The following CHCHD6 variants were observed in gnomAD, a reference collection of about 807,000 sequenced individuals.
The protein encoded by CHCHD6 is MICOS complex subunit MIC25.
Under a neutral mutation model 32.3 loss-of-function variants are expected in CHCHD6, and 28 were observed. The ratio of observed to expected loss-of-function variants is 0.87; its 90% CI spans 0.64 to 1.19. The LOEUF is 1.19. Among genes scored for constraint, CHCHD6 ranks in the 50% most tolerant of loss-of-function variants. The probability of loss-of-function intolerance (pLI) is 0.00; values close to 1 mark genes in which losing one functional copy is unlikely to be tolerated. For missense variants in CHCHD6, 333 were observed against 307.0 expected, an observed-to-expected ratio of 1.08 and a Z score of -0.63; for synonymous variants, 122 against 117.5, an observed-to-expected ratio of 1.04 and a Z score of -0.25.
Position 126,897,499 on chromosome 3 carries a change from C to A in CHCHD6, c.496-17181C>A, listed in dbSNP as rs191028533. Among the ~76,000 whole-genome samples the A allele has an allele frequency of 2.4e-4, 37 of 152,286 alleles. 2 individuals carry two copies. The highest frequency in any genetic ancestry group is 2.0e-3 in the Admixed American group (31 of 15,298). ...TTCCTTACTAGCTTTTACTGAAGGACTTTTTTATTCTGTATTGTCTGTTGC... is the reference window on the plus strand; with the variant it reads ...TTCCTTACTAGCTTTTACTGAAGGAATTTTTTATTCTGTATTGTCTGTTGC... On this transcript the variant is annotated intron_variant, in intron 5 of 7. Transcript: ENST00000290913.
intron 4 of CHCHD6, among the ~76,000 whole-genome samples, chr3:126,840,636 A>G (rs1244785640): frequency 1.3e-5 from 2 of 152,100 alleles, no homozygotes; most frequent in Non-Finnish European, 2.9e-5. Context: ...CTGTTATCTA[A>G]TATGGTCATG....
At chr3:126,898,672 G>A (rs534501293) in intron 5 of CHCHD6, among the ~76,000 whole-genome samples, 1 of 152,212 alleles carries the variant, frequency 6.6e-6, no homozygotes, top group Non-Finnish European at 1.5e-5. Flanking sequence ...CTGAGTAGCT[G>A]GGATTATAGG....
intron 1 of CHCHD6, among the ~76,000 whole-genome samples, chr3:126,717,524 C>T (rs977933807): frequency 6.6e-6 from 1 of 152,266 alleles, no homozygotes; most frequent in East Asian, 1.9e-4. Context: ...GTCCTGGCTA[C>T]TCAGGAGGCT....
intron 4 of CHCHD6, among the ~76,000 whole-genome samples, chr3:126,748,168 A>G (rs1014717833): frequency 5.3e-5 from 8 of 152,068 alleles, no homozygotes; most frequent in African/African-American, 1.9e-4. Flanking sequence ...TCTAAAACCA[A>G]TAGACCTTTC....
chr3:126,867,815 G>T (rs918463658), intron 5 of CHCHD6, among the ~76,000 whole-genome samples: 1 of 152,160 alleles, frequency 6.6e-6, no homozygotes, highest in Non-Finnish European at 1.5e-5. Flanking sequence ...CCTCCATGAT[G>T]GTGGCTCCTT....
chr3:126,912,831 G>T (rs914155732), intron 5 of CHCHD6, among the ~76,000 whole-genome samples: 1 of 152,242 alleles, frequency 6.6e-6, no homozygotes, highest in African/African-American at 2.4e-5. Flanking sequence ...CTAGAGGGGG[G>T]CCTGGTTTCC....
chr3:126,768,520 A>G (rs1937469586), intron 4 of CHCHD6, among the ~76,000 whole-genome samples: 1 of 152,198 alleles, frequency 6.6e-6, no homozygotes, highest in African/African-American at 2.4e-5. Flanking sequence ...GCAAGAACGG[A>G]CTAATACAAT....
intron 4 of CHCHD6, among the ~76,000 whole-genome samples, chr3:126,804,180 A>C (rs1162261040): frequency 1.3e-5 from 2 of 152,212 alleles, no homozygotes; most frequent in Admixed American, 1.3e-4. Context: ...AAACACATTC[A>C]AAAGCTAGCA....
rs561553647 is a variant in CHCHD6 at position 126,784,034 on chromosome 3, C to T, written c.411+50812C>T. 7.9e-5 allele frequency among the ~76,000 whole-genome samples: 12 copies of T among 152,250 alleles called. No homozygotes were observed. In the East Asian group the frequency reaches 2.1e-3, roughly 27 times the overall value. Reference sequence around the variant, plus strand: ...CCACTGCACTCATTTTTCTGTTGACCTCTCCTGGAGACACTATGTCTTGTA... The same window carrying T: ...CCACTGCACTCATTTTTCTGTTGACTTCTCCTGGAGACACTATGTCTTGTA... On this transcript the variant is annotated intron_variant, in intron 4 of 7. Transcript: ENST00000290913.
At chr3:126,833,109 C>T (rs1940707119) in intron 4 of CHCHD6, among the ~76,000 whole-genome samples, 1 of 152,182 alleles carries the variant, frequency 6.6e-6, no homozygotes, top group South Asian at 2.1e-4. Context: ...TGCCCACATG[C>T]CACTTGCATG....
At chr3:126,870,401 G>A (rs779203872) in intron 5 of CHCHD6, among the ~76,000 whole-genome samples, 5 of 152,176 alleles carry the variant, frequency 3.3e-5, no homozygotes, top group South Asian at 4.2e-4. Flanking sequence ...TGTGGAGGTC[G>A]GGGAGCTAAG....
At chr3:126,887,829 C>A (rs928181289) in intron 5 of CHCHD6, among the ~76,000 whole-genome samples, 1 of 152,222 alleles carries the variant, frequency 6.6e-6, no homozygotes, top group South Asian at 2.1e-4. Context: ...ATCCTTTTTG[C>A]TGAATGAGAA....
intron 4 of CHCHD6, among the ~76,000 whole-genome samples, chr3:126,764,503 C>T (rs983584707): frequency 6.6e-6 from 1 of 152,122 alleles, no homozygotes; most frequent in East Asian, 1.9e-4. Context: ...AAGGGAGGTG[C>T]GGGACAAGGC....
At chr3:126,850,649 T>G (rs1310360243) in intron 4 of CHCHD6, among the ~76,000 whole-genome samples, 1 of 152,146 alleles carries the variant, frequency 6.6e-6, no homozygotes, top group Non-Finnish European at 1.5e-5. Flanking sequence ...TTATGATGGT[T>G]TTGCCTTCAG....
rs1935887048 is a variant in CHCHD6 at position 126,733,159 on chromosome 3, C to T, written c.348C>T (p.Ser116=). 3 of 1,614,062 alleles carry T rather than the reference C, an allele frequency of 1.9e-6. No homozygotes were observed. The South Asian group carries it at 3.3e-5, about 18-fold the overall frequency. The change falls in exon 4 of 8, where the codon TCC becomes TCT. Residue 116 remains serine (S), a synonymous_variant. Transcript: ENST00000290913. ...KREREAATKH[S]KASLPTGEGS... Reference sequence around the variant, plus strand: ...AAAGAGAGGCTGCCACCAAGCACTCCAAGGCATCCCTGCCCACGGGCGAAG... The same window carrying T: ...AAAGAGAGGCTGCCACCAAGCACTCTAAGGCATCCCTGCCCACGGGCGAAG...
intron 4 of CHCHD6, among the ~76,000 whole-genome samples, chr3:126,804,135 AACCTC>A (rs1359359639): frequency 1.3e-5 from 2 of 152,126 alleles, no homozygotes; most frequent in Non-Finnish European, 2.9e-5. Flanking sequence ...TTGACACCCT[AACCTC>A]ACAATTAAAA....
At chr3:126,770,926 G>A (rs1412845654) in intron 4 of CHCHD6, among the ~76,000 whole-genome samples, 1 of 152,152 alleles carries the variant, frequency 6.6e-6, no homozygotes, top group East Asian at 1.9e-4. Flanking sequence ...TTATAAATCT[G>A]GTAGAATTCA....
At chr3:126,766,944 T>A in intron 4 of CHCHD6, 3 of 1,018,238 alleles carry the variant, frequency 2.9e-6, no homozygotes, top group Non-Finnish European at 4.7e-6. Flanking sequence ...AGGAGAAGAC[T>A]CACTTCTGGG....
chr3:126,875,170 T>G (rs909652366), intron 5 of CHCHD6, among the ~76,000 whole-genome samples: 5 of 152,226 alleles, frequency 3.3e-5, no homozygotes, highest in African/African-American at 1.2e-4. Flanking sequence ...ATCTGAACCC[T>G]GCAGGCTAAG....
Sources: gnomAD v4.1 joint callset for allele counts (sites outside exome capture counted in the v4.1 genomes callset) on GRCh38, gnomAD v4.1.1 for gene constraint, MANE v1.5 for transcripts, NCBI Gene and HGNC (gene_info 2026-07-23, HGNC 2026-07-21) for gene names.